Variants in CHD9 observed in about 807,000 individuals in gnomAD.
The protein encoded by CHD9 is chromodomain helicase DNA binding protein 9, also known as ATP-dependent chromatin remodeler CHD9.
CHD9 carries 77 observed loss-of-function variants against 316.1 expected under a neutral mutation model. That is an observed-to-expected ratio of 0.24 (90% CI 0.20 to 0.29). The LOEUF (loss-of-function observed/expected upper bound fraction) is 0.29, where lower values mean the gene tolerates loss of function less well. Ranked by LOEUF, CHD9 falls within the 10% of genes least tolerant of loss-of-function variation. CHD9 has a pLI of 1.00. For synonymous variants in CHD9, 1,129 were observed against 1,158.3 expected, an observed-to-expected ratio of 0.97 and a Z score of 0.51; for missense variants, 2,763 against 3,438.1, an observed-to-expected ratio of 0.80 and a Z score of 4.91.
intron 24 of CHD9, among the ~76,000 whole-genome samples, chr16:53,283,674 CTT>C (rs1321440170): frequency 1.3e-5 from 2 of 152,228 alleles, no homozygotes; most frequent in Non-Finnish European, 2.9e-5. Context: ...ATAAATATCT[CTT>C]TTTACTGTAT....
rs191407866 is a variant in CHD9 at position 53,185,479 on chromosome 16, A to G, written c.1453-24003A>G. 1.4e-3 allele frequency among the ~76,000 whole-genome samples: 216 copies of G among 152,276 alleles called. 3 individuals are homozygous for G. The highest frequency in any genetic ancestry group is 2.5e-4 in the Non-Finnish European group (17 of 68,018). ...TGTTCAAGAGGAAGCAGAGCATAAA[A>G]TTTTGGAAAGTTTGCAGCCTGATGA... On this transcript the variant is annotated intron_variant, in intron 2 of 38. Coordinates refer to ENST00000447540, the MANE Select transcript of CHD9 (RefSeq NM_001308319.2).
intron 10 of CHD9, 32 bp downstream of exon 10, chr16:53,231,816 T>A (rs1457631877): frequency 5.2e-6 from 8 of 1,552,782 alleles, no homozygotes; most frequent in Non-Finnish European, 1.7e-6. Context: ...CTTTATAAAA[T>A]CTTAGCACTT....
At position 53,209,474 on chromosome 16, in the gene CHD9, T is replaced by C. The variant is rs1363719627; in HGVS notation, c.1453-8T>C. On this transcript the variant is annotated splice_polypyrimidine_tract_variant and splice_region_variant and intron_variant, in intron 2 of 38. Transcript: ENST00000447540. ...TATATTCTATAAAAAATATTTTTGT[T>C]TCTGTAGCCTCCATCTTCCAAGAAG... The C allele has an allele frequency of 1.3e-6, 2 of 1,568,172 alleles. No individual in the cohort carries two copies. Among genetic ancestry groups the C allele is most frequent in the Non-Finnish European group, 1.7e-6 (2 of 1,158,954 alleles).
chr16:53,279,968 A>G (rs1286508462), intron 24 of CHD9, among the ~76,000 whole-genome samples: 2 of 152,200 alleles, frequency 1.3e-5, no homozygotes, highest in Non-Finnish European at 1.5e-5. Context: ...CAAAACCACA[A>G]TGTGATACTG....
chr16:53,219,409 G>A (rs2047045401), intron 3 of CHD9, among the ~76,000 whole-genome samples: 2 of 152,302 alleles, frequency 1.3e-5, no homozygotes, highest in Non-Finnish European at 2.9e-5. Context: ...AGACAGGAAG[G>A]CGGCTGAAGA....
At chr16:53,285,049 G>T (rs1024998823) in intron 24 of CHD9, among the ~76,000 whole-genome samples, 1 of 152,122 alleles carries the variant, frequency 6.6e-6, no homozygotes, top group African/African-American at 2.4e-5. Context: ...TTACATACAT[G>T]AGCCACTGTG....
chr16:53,243,519 G>A (rs2049287185), intron 13 of CHD9, among the ~76,000 whole-genome samples: 1 of 152,082 alleles, frequency 6.6e-6, no homozygotes, highest in East Asian at 1.9e-4. Flanking sequence ...CTCCATGTTG[G>A]TCAGGCTGGT....
At chr16:53,081,388 T>C (rs1338820722) in intron 1 of CHD9, among the ~76,000 whole-genome samples, 1 of 152,124 alleles carries the variant, frequency 6.6e-6, no homozygotes, top group Non-Finnish European at 1.5e-5. Context: ...GCAAAGACTA[T>C]GGGGCAATAA....
intron 1 of CHD9, among the ~76,000 whole-genome samples, chr16:53,071,003 T>C (rs900833293): frequency 3.2e-4 from 49 of 152,232 alleles, no homozygotes; most frequent in Non-Finnish European, 2.9e-5. Flanking sequence ...TTATGAATTT[T>C]AGGGTGGATT....
At chr16:53,187,136 A>G (rs1367940731) in intron 2 of CHD9, among the ~76,000 whole-genome samples, 1 of 152,186 alleles carries the variant, frequency 6.6e-6, no homozygotes, top group African/African-American at 2.4e-5. Flanking sequence ...AATTCAGAAG[A>G]TGTGTATTTC....
At chr16:53,208,847 C>G in intron 2 of CHD9, 1 of 503,466 alleles carries the variant, frequency 2.0e-6, no homozygotes, top group Non-Finnish European at 2.6e-6. Context: ...AACTGTAAAA[C>G]TTGTTTATTT....
At chr16:53,187,430 C>T (rs963784337) in intron 2 of CHD9, among the ~76,000 whole-genome samples, 1 of 152,016 alleles carries the variant, frequency 6.6e-6, no homozygotes, top group Non-Finnish European at 1.5e-5. Context: ...CTCTTGAACC[C>T]AGGAGTTCAA....
At chr16:53,202,436 A>T (rs1367779485) in intron 2 of CHD9, among the ~76,000 whole-genome samples, 1 of 150,026 alleles carries the variant, frequency 6.7e-6, no homozygotes, top group East Asian at 1.9e-4. Flanking sequence ...ATTAGTCTTA[A>T]GTCTCATCTA....
intron 1 of CHD9, among the ~76,000 whole-genome samples, chr16:53,085,237 T>A (rs79089152): frequency 0.027 from 4,049 of 151,774 alleles, 59 homozygotes; most frequent in Middle Eastern, 0.037. Flanking sequence ...TCTTTTTTTT[T>A]TTTTTTTTTT....
intron 24 of CHD9, among the ~76,000 whole-genome samples, chr16:53,282,249 G>A (rs550047485): frequency 2.6e-5 from 4 of 152,008 alleles, no homozygotes; most frequent in South Asian, 2.1e-4. Context: ...TAATGCTTTT[G>A]GACCCAAAAT....
At chr16:53,231,555 C>G in intron 9 of CHD9, 50 bp downstream of exon 9, 1 of 1,392,382 alleles carries the variant, frequency 7.2e-7, no homozygotes, top group Admixed American at 2.0e-5. Context: ...CTGAAACTTT[C>G]CAAGTATTAA....
Position 53,229,109 on chromosome 16 carries a change from AAAAT to A in CHD9, c.2286+16_2286+19del, listed in dbSNP as rs2047938152. 4 of 1,423,720 alleles carry A rather than the reference AAAAT, an allele frequency of 2.8e-6. No homozygotes were observed. Among genetic ancestry groups the A allele is most frequent in the East Asian group, 2.4e-5 (1 of 41,936 alleles). 88.2% of individuals were successfully genotyped at this position (1,423,720 alleles called of 1,614,324 possible). A position where few individuals can be genotyped will look rare whatever the true frequency, so the allele number is the denominator to read the frequency against. On this transcript the variant is annotated intron_variant, in intron 8 of 38. Coordinates refer to ENST00000447540, the MANE Select transcript of CHD9 (RefSeq NM_001308319.2). ...CACATTTTTTTGCAGACGTAAGAAA[AAAAT>A]AAATAAGACTATTATGTGTTGGTCT...
chr16:53,288,820 C>A (rs2054102592), intron 27 of CHD9, among the ~76,000 whole-genome samples: 1 of 151,974 alleles, frequency 6.6e-6, no homozygotes, highest in Non-Finnish European at 1.5e-5. Context: ...CATAGACCCA[C>A]CTTCTCTTGA....
intron 1 of CHD9, among the ~76,000 whole-genome samples, chr16:53,080,488 G>A (rs968956166): frequency 1.3e-5 from 2 of 152,176 alleles, no homozygotes; most frequent in South Asian, 2.1e-4. Context: ...TCTACAACAT[G>A]CTACCCCACC....
Sources: gnomAD v4.1 joint callset for allele counts (sites outside exome capture counted in the v4.1 genomes callset) on GRCh38, gnomAD v4.1.1 for gene constraint, MANE v1.5 for transcripts, NCBI Gene and HGNC (gene_info 2026-07-23, HGNC 2026-07-21) for gene names.